Variants in PTPN9 observed in about 807,000 individuals in gnomAD.
The protein encoded by PTPN9 is tyrosine-protein phosphatase non-receptor type 9.
A neutral mutation model predicts 69.8 loss-of-function variants in PTPN9; 26 were observed. The observed-to-expected ratio is 0.37, with a 90% confidence interval of 0.27 to 0.52. The LOEUF (loss-of-function observed/expected upper bound fraction) is 0.52, where lower values mean the gene tolerates loss of function less well. Ranked by LOEUF, PTPN9 falls within the 20% of genes least tolerant of loss-of-function variation. PTPN9 has a pLI of 0.91. For synonymous variants in PTPN9, 274 were observed against 272.5 expected (o/e 1.01, Z -0.05); for missense variants, 549 against 740.3 (o/e 0.74, Z 3.00).
At chr15:75,474,575 A>G (rs2074585836) in intron 9 of PTPN9, among the ~76,000 whole-genome samples, 1 of 152,194 alleles carries the variant, frequency 6.6e-6, no homozygotes, top group Non-Finnish European at 1.5e-5. Flanking sequence ...TAACAATACT[A>G]GCATTCTTAA....
intron 1 of PTPN9, among the ~76,000 whole-genome samples, chr15:75,552,361 C>T (rs1410152568): frequency 6.6e-6 from 1 of 152,064 alleles, no homozygotes; most frequent in African/African-American, 2.4e-5. Flanking sequence ...GAGCCAAGAT[C>T]ACACCATTGT....
intron 1 of PTPN9, among the ~76,000 whole-genome samples, chr15:75,565,109 T>TATAATA (rs200204488): frequency 0.036 from 5,150 of 141,736 alleles, 140 homozygotes; most frequent in Admixed American, 0.082. Context: ...TCAAAAAATA[T>TATAATA]ATAATAATAA....
Position 75,530,786 on chromosome 15 carries a change from T to C in PTPN9, c.64-3525A>G, listed in dbSNP as rs1239232267. On this transcript the variant is annotated intron_variant, in intron 1 of 12. Transcript: ENST00000618819. ...TATTATTATAATTATTATAATATAATATATAATAGAATATATTATAATATA... is the reference window on the plus strand; with the variant it reads ...TATTATTATAATTATTATAATATAACATATAATAGAATATATTATAATATA... 4.6e-5 allele frequency among the ~76,000 whole-genome samples: 4 copies of C among 86,828 alleles called. No homozygotes were observed. The East Asian group carries it at 8.4e-4, about 18-fold the overall frequency. The allele number at this position is 86,828 out of a possible 152,430, so 57.0% of individuals were successfully genotyped here. A position where few individuals can be genotyped will look rare whatever the true frequency, so the allele number is the denominator to read the frequency against.
Position 75,470,743 on chromosome 15 carries a change from G to A in PTPN9, c.1296C>T (p.Thr432=), listed in dbSNP as rs1195734958. The change falls in exon 11 of 13, where the codon ACC becomes ACT. Residue 432 remains threonine (T), a synonymous_variant. Coordinates refer to ENST00000618819, the MANE Select transcript of PTPN9 (RefSeq NM_002833.4). ...SRIRFGFLTV[T]NLGVENMNHY... ...GATTCATGTTCTCCACGCCTAGATT[G>A]GTCACTGTGAGGAAGCCAAATCGGA... 1 of 1,614,110 alleles carries A rather than the reference G, an allele frequency of 6.2e-7. No homozygotes were observed. Among genetic ancestry groups the A allele is most frequent in the Admixed American group, 1.7e-5 (1 of 60,022 alleles).
intron 8 of PTPN9, among the ~76,000 whole-genome samples, chr15:75,483,026 T>C (rs1386644823): frequency 6.6e-6 from 1 of 152,168 alleles, no homozygotes; most frequent in Non-Finnish European, 1.5e-5. Context: ...TACTAATTTA[T>C]ACCCACTAGG....
chr15:75,574,289 A>C (rs1243509767), intron 1 of PTPN9, among the ~76,000 whole-genome samples: 2 of 145,866 alleles, frequency 1.4e-5, no homozygotes, highest in Non-Finnish European at 3.1e-5. Context: ...TGTCTCCACA[A>C]AAAAAAAAAA....
intron 1 of PTPN9, among the ~76,000 whole-genome samples, chr15:75,554,005 C>CTTTT (rs72050060): frequency 1.6e-4 from 20 of 125,364 alleles, no homozygotes; most frequent in Non-Finnish European, 2.6e-4. Context: ...TACTTTCTTT[C>CTTTT]TTTTTTTTTT....
intron 1 of PTPN9, among the ~76,000 whole-genome samples, chr15:75,577,918 G>A (rs2075181140): frequency 6.6e-6 from 1 of 152,158 alleles, no homozygotes; most frequent in South Asian, 2.1e-4. Context: ...CCTCAGGAGT[G>A]GTCCCTGTCT....
At chr15:75,544,815 T>A (rs988722838) in intron 1 of PTPN9, among the ~76,000 whole-genome samples, 9 of 152,150 alleles carry the variant, frequency 5.9e-5, no homozygotes, top group Non-Finnish European at 1.0e-4. Context: ...GTAACATTTT[T>A]TTTTTCTCTT....
chr15:75,475,680 GT>G (rs963851571), intron 9 of PTPN9, among the ~76,000 whole-genome samples: 3 of 152,038 alleles, frequency 2.0e-5, no homozygotes, highest in Non-Finnish European at 2.9e-5. Flanking sequence ...AGTACTAATG[GT>G]TAATTTTGGT....
chr15:75,504,869 C>T lies in PTPN9; in HGVS notation c.968+806G>A, dbSNP rs2074808800. Among the ~76,000 whole-genome samples, 4 of 151,528 alleles carry T rather than the reference C, an allele frequency of 2.6e-5. No individual in the cohort carries two copies. The South Asian group carries it at 8.3e-4, about 32-fold the overall frequency. ...AGGTGGGGGGGTCTGGCCAGCCACC[C>T]CGTCCGGGAGGTGAGGGGCACCTCT... is the stretch of plus-strand genomic sequence containing the variant. On this transcript the variant is annotated intron_variant, in intron 7 of 12. Transcript: ENST00000618819.
At chr15:75,529,147 T>A (rs966395840) in intron 1 of PTPN9, among the ~76,000 whole-genome samples, 5 of 151,900 alleles carry the variant, frequency 3.3e-5, no homozygotes, top group African/African-American at 7.3e-5. Flanking sequence ...CCACCACGCC[T>A]GGCTAATTTT....
intron 1 of PTPN9, chr15:75,570,274 C>T (rs929342461): frequency 9.9e-5 from 15 of 152,238 alleles, no homozygotes; most frequent in Middle Eastern, 3.4e-3. Context: ...AATTTAACAT[C>T]ATAAATCATT....
intron 7 of PTPN9, 72 bp downstream of exon 7, chr15:75,505,603 G>T: frequency 8.6e-7 from 1 of 1,158,862 alleles, no homozygotes; most frequent in Non-Finnish European, 1.3e-6. Context: ...GTGAGGGGTG[G>T]AAGGAGCTGT....
In PTPN9 at chr15:75,463,351, C is replaced by T. The variant is rs752672351; in HGVS notation, c.*5418G>A. 10 of 152,138 alleles carry T rather than the reference C, an allele frequency of 6.6e-5. No homozygotes were observed. Among genetic ancestry groups the T allele is most frequent in the Non-Finnish European group, 1.0e-4 (7 of 68,024 alleles). The allele number at this position is 152,138 out of a possible 1,614,324, so 9.4% of individuals were successfully genotyped here. On this transcript the variant is annotated 3_prime_UTR_variant, in exon 13 of 13. Coordinates refer to ENST00000618819, the MANE Select transcript of PTPN9 (RefSeq NM_002833.4). ...CCCCAGATGAAATGGCTGACCTTTA[C>T]TCAGGTGCACATCTGGCCAGTCTTG... is the stretch of plus-strand genomic sequence containing the variant.
At position 75,473,749 on chromosome 15, in the gene PTPN9, T is replaced by C. The variant is rs767314169; in HGVS notation, c.1148A>G (p.Tyr383Cys). Residue 383 changes from tyrosine to cysteine, a missense_variant, in exon 10 of 13, where the codon TAT becomes TGT. Physicochemically the swap from Tyr to Cys is radical, Grantham distance 194. Coordinates refer to ENST00000618819, the MANE Select transcript of PTPN9 (RefSeq NM_002833.4). ...IGTQGPLENT[Y>C]RDFWLMVWEQ... is the part of the protein sequence containing the mutation. ...CCATACCATGAGCCAGAAATCACGA[T>C]AGGTATTCTCCAAAGGACCTGAAAT... 5 of 1,578,398 alleles carry C rather than the reference T, an allele frequency of 3.2e-6. No homozygotes were observed. The highest frequency in any genetic ancestry group is 4.4e-6 in the Non-Finnish European group (5 of 1,147,484).
chr15:75,496,760 G>C (rs1028923080), intron 7 of PTPN9, among the ~76,000 whole-genome samples: 1 of 152,018 alleles, frequency 6.6e-6, no homozygotes, highest in Non-Finnish European at 1.5e-5. Flanking sequence ...ACCCACCTCA[G>C]CCTCCCAAAG....
intron 1 of PTPN9, among the ~76,000 whole-genome samples, chr15:75,562,704 C>T (rs912189848): frequency 1.6e-4 from 23 of 143,998 alleles, no homozygotes; most frequent in African/African-American, 4.9e-4. Context: ...TGGTGGCGGG[C>T]GCCCGTAGTC....
At chr15:75,503,004 C>CA in intron 7 of PTPN9, among the ~76,000 whole-genome samples, 1 of 152,280 alleles carries the variant, frequency 6.6e-6, no homozygotes, top group African/African-American at 2.4e-5. Context: ...ATCTCCCAGC[C>CA]GCCTGCCTTG....
Sources: gnomAD v4.1 joint callset for allele counts (sites outside exome capture counted in the v4.1 genomes callset) on GRCh38, gnomAD v4.1.1 for gene constraint, MANE v1.5 for transcripts, NCBI Gene and HGNC (gene_info 2026-07-23, HGNC 2026-07-21) for gene names.